MME: variants seen among roughly 807,000 people sequenced by gnomAD.
MME encodes neprilysin.
A neutral mutation model predicts 113.2 loss-of-function variants in MME; 98 were observed. The observed-to-expected ratio is 0.87, with a 90% CI of 0.74 to 1.02. The LOEUF is 1.02. MME is among the 50% of genes least tolerant of loss of function. MME has a pLI of 0.00. For synonymous variants in MME, 292 were observed against 300.6 expected, an observed-to-expected ratio of 0.97 and a Z score of 0.30; for missense variants, 836 against 896.0, an observed-to-expected ratio of 0.93 and a Z score of 0.86.
At chr3:155,108,564 G>C (rs547170156) in intron 3 of MME, among the ~76,000 whole-genome samples, 1 of 151,050 alleles carries the variant, frequency 6.6e-6, no homozygotes, top group South Asian at 2.1e-4. Flanking sequence ...CCATTGCACT[G>C]CAGCCTGGGG....
At chr3:155,047,388 A>C (rs1230879032) in intron 1 of MME, among the ~76,000 whole-genome samples, 1 of 152,202 alleles carries the variant, frequency 6.6e-6, no homozygotes, top group Non-Finnish European at 1.5e-5. Flanking sequence ...AGTAAGCTGT[A>C]TCATCTAGGT....
chr3:155,097,975 T>C (rs776621747), intron 3 of MME, among the ~76,000 whole-genome samples: 1 of 152,218 alleles, frequency 6.6e-6, no homozygotes, highest in South Asian at 2.1e-4. Context: ...AGCACTGTTT[T>C]AGATGCTAAG....
chr3:155,064,374 T>A (rs1714315159), intron 1 of MME, among the ~76,000 whole-genome samples: 1 of 152,094 alleles, frequency 6.6e-6, no homozygotes, highest in South Asian at 2.1e-4. Context: ...AAATATTCAA[T>A]AATGAAGGCA....
chr3:155,098,004 G>A (rs78002428), intron 3 of MME, among the ~76,000 whole-genome samples: 2,799 of 152,186 alleles, frequency 0.018, 97 homozygotes, highest in South Asian at 0.15. Context: ...GCACCTAAAC[G>A]CAGAGTGAGC....
At chr3:155,152,043 T>G (rs987013783) in intron 16 of MME, among the ~76,000 whole-genome samples, 3 of 152,168 alleles carry the variant, frequency 2.0e-5, no homozygotes, top group Admixed American at 6.5e-5. Flanking sequence ...GTTGCCTGTC[T>G]CATGATGTGT....
upstream of MME, among the ~76,000 whole-genome samples, chr3:155,077,339 G>A (rs1461626929): frequency 2.0e-5 from 3 of 152,132 alleles, no homozygotes; most frequent in Non-Finnish European, 1.5e-5. Context: ...AATAACTTAT[G>A]TATGGCCACC....
chr3:155,059,351 C>T (rs1714059995), intron 1 of MME, among the ~76,000 whole-genome samples: 1 of 150,334 alleles, frequency 6.7e-6, no homozygotes, highest in Non-Finnish European at 1.5e-5. Flanking sequence ...AGAATGACAT[C>T]AAAAAAGCTG....
rs1166306032 is a variant in MME at position 155,139,509 on chromosome 3, T to C, written c.856-682T>C. On this transcript the variant is annotated intron_variant, in intron 9 of 22. Coordinates refer to ENST00000360490, the MANE Select transcript of MME (RefSeq NM_007289.4). ...AATTCCAATTTTAAACCTTTACCTT[T>C]TGTCTCTTCTCACTTAAAATTGCTT... 2.0e-5 allele frequency among the ~76,000 whole-genome samples: 3 copies of C among 152,326 alleles called. No homozygotes were observed. The East Asian group carries it at 5.8e-4, about 29-fold the overall frequency.
intron 3 of MME, among the ~76,000 whole-genome samples, chr3:155,111,736 A>C (rs1447891470): frequency 6.6e-6 from 1 of 152,110 alleles, no homozygotes; most frequent in Non-Finnish European, 1.5e-5. Flanking sequence ...AGTAGAGTTC[A>C]TTGCTCTGTG....
rs549061529 is a variant in MME, at chr3:155,072,358, C to T, written c.-10-11800C>T. Among the ~76,000 whole-genome samples the T allele has an allele frequency of 3.9e-5, 6 of 152,292 alleles. No homozygotes were observed. The East Asian group carries it at 1.2e-3, about 29-fold the overall frequency. ...AGAGTAAACACTTTTCCATCACATG[C>T]AAATCTACTGTAAATGCTTGTTTGC... On this transcript the variant is annotated intron_variant, in intron 1 of 22. Coordinates refer to the MME transcript ENST00000492661.
intron 22 of MME, among the ~76,000 whole-genome samples, chr3:155,173,684 T>C (rs1034339859): frequency 6.6e-6 from 1 of 152,000 alleles, no homozygotes; most frequent in African/African-American, 2.4e-5. Flanking sequence ...TAATCCAAGC[T>C]AAATTTAGTT....
intron 1 of MME, among the ~76,000 whole-genome samples, chr3:155,030,955 A>G (rs1200294442): frequency 1.3e-5 from 2 of 152,232 alleles, no homozygotes; most frequent in African/African-American, 2.4e-5. Context: ...TTTAAAACAA[A>G]TAAGACTGGT....
intron 1 of MME, among the ~76,000 whole-genome samples, chr3:155,042,756 A>C (rs2108121361): frequency 6.6e-6 from 1 of 151,470 alleles, no homozygotes; most frequent in African/African-American, 2.4e-5. Flanking sequence ...TTATGAATGA[A>C]AGTATCTTTT....
chr3:155,100,304 C>T (rs950407183), intron 3 of MME, among the ~76,000 whole-genome samples: 2 of 152,154 alleles, frequency 1.3e-5, no homozygotes, highest in Non-Finnish European at 2.9e-5. Context: ...TGAAAAAATG[C>T]TCATCATCAC....
chr3:155,057,767 G>A (rs935788767), intron 1 of MME, among the ~76,000 whole-genome samples: 3 of 151,014 alleles, frequency 2.0e-5, no homozygotes, highest in Admixed American at 6.6e-5. Context: ...GGAGATCAGC[G>A]ACATTTTTTA....
At position 155,181,141 on chromosome 3, in the gene MME, T is replaced by C. The variant is rs1713046534; in HGVS notation, c.*682T>C. 2 of 152,398 alleles carry C rather than the reference T, an allele frequency of 1.3e-5. No homozygotes were observed. The highest frequency in any genetic ancestry group is 4.1e-4 in the South Asian group (2 of 4,828). 9.4% of individuals were successfully genotyped at this position (152,398 alleles called of 1,614,324 possible). ...GGCTTCCTGCAATTTTCTAAGCAAT[T>C]TCTTGCTCTATCTCTCAAAACTTGG... is the stretch of plus-strand genomic sequence containing the variant. On this transcript the variant is annotated 3_prime_UTR_variant, in exon 23 of 23. Coordinates refer to ENST00000360490, the MANE Select transcript of MME (RefSeq NM_007289.4).
At position 155,086,959 on chromosome 3, in the gene MME, C is replaced by T. The variant is rs151243551; in HGVS notation, c.196+1865C>T. Among the ~76,000 whole-genome samples, 1,279 of 151,900 alleles carry T rather than the reference C, an allele frequency of 8.4e-3. 20 individuals are homozygous for T. Among genetic ancestry groups the T allele is most frequent in the African/African-American group, 0.03 (1,226 of 41,432 alleles). On this transcript the variant is annotated intron_variant, in intron 3 of 22. Transcript: ENST00000360490. ...AGCTGGGACTATAGGCACCTGCCAC[C>T]ATTCCTGGCTAGGTTGTGGGTTTTT...
chr3:155,026,196 G>A (rs768863664), intron 1 of MME, among the ~76,000 whole-genome samples: 1 of 151,936 alleles, frequency 6.6e-6, no homozygotes, highest in African/African-American at 2.4e-5. Flanking sequence ...GTTGGGGTAG[G>A]GGGGTGGGTG....
At chr3:155,076,045 TC>T (rs1714737416), upstream of MME, among the ~76,000 whole-genome samples, 1 of 152,218 alleles carries the variant, frequency 6.6e-6, no homozygotes, top group Non-Finnish European at 1.5e-5. Flanking sequence ...CTCAAGAAGT[TC>T]CTTTGGTTAC....
Sources: gnomAD v4.1 joint callset for allele counts (sites outside exome capture counted in the v4.1 genomes callset) on GRCh38, gnomAD v4.1.1 for gene constraint, MANE v1.5 for transcripts, NCBI Gene and HGNC (gene_info 2026-07-23, HGNC 2026-07-21) for gene names.